KIF20B: variants seen among roughly 807,000 people sequenced by gnomAD.
KIF20B encodes the protein kinesin family member 20B, also known as kinesin-like protein KIF20B.
In KIF20B, 188 loss-of-function variants were observed where a neutral mutation model predicts 232.5. The observed-to-expected ratio is 0.81, with a 90% CI of 0.72 to 0.91. The LOEUF is 0.91. Ranked by LOEUF, KIF20B falls within the 40% of genes least tolerant of loss-of-function variation. The pLI is 0.00. For synonymous variants in KIF20B, 712 were observed against 683.0 expected, an observed-to-expected ratio of 1.04 and a Z score of -0.66; for missense variants, 2,154 against 2,055.9, an observed-to-expected ratio of 1.05 and a Z score of -0.92.
Position 89,724,973 on chromosome 10 carries a change from A to G in KIF20B, c.1863-47A>G, listed in dbSNP as rs540937447. ...TTAGATGTTTAAAACAAAAACACAAAGTAGTTCGTTTTCTGTTTCTTAATG... is the reference window on the plus strand; with the variant it reads ...TTAGATGTTTAAAACAAAAACACAAGGTAGTTCGTTTTCTGTTTCTTAATG... On this transcript the variant is annotated intron_variant, in intron 14 of 32. Transcript: ENST00000371728. 4 of 1,570,518 alleles carry G rather than the reference A, an allele frequency of 2.5e-6. No individual in the cohort carries two copies. In the East Asian group the frequency reaches 9.0e-5, roughly 35 times the overall value.
chr10:89,717,713 A>T lies in KIF20B; in HGVS notation c.1262A>T (p.Glu421Val). Residue 421 changes from glutamate (E) to valine (V), a missense_variant, in exon 11 of 33, where the codon GAA becomes GTA. By Grantham distance (121) the Glu-to-Val change is moderately radical. Transcript: ENST00000371728. ...GKCINVLKNS[E>V]KSKFQQHVPF... The stretch of plus-strand genomic sequence containing the variant: ...TGTATTAACGTCTTGAAGAATAGTG[A>T]AAAGTCAAAGTAAGTGTTTCTGAAA... 1.3e-6 allele frequency: 2 copies of T among 1,592,546 alleles called. No individual in the cohort carries two copies. The highest frequency in any genetic ancestry group is 1.2e-5 in the South Asian group (1 of 86,026).
intron 23 of KIF20B, among the ~76,000 whole-genome samples, chr10:89,748,039 C>T (rs1042109644): frequency 1.3e-5 from 2 of 152,120 alleles, no homozygotes; most frequent in Non-Finnish European, 2.9e-5. Flanking sequence ...GACGGAGATT[C>T]GCTCTTGTCA....
chr10:89,760,306 T>G (rs910192688), intron 27 of KIF20B, among the ~76,000 whole-genome samples: 1 of 152,154 alleles, frequency 6.6e-6, no homozygotes, highest in Non-Finnish European at 1.5e-5. Context: ...AATTTCTCCT[T>G]AGATCAGAGT....
At position 89,717,638 on chromosome 10, in the gene KIF20B, G is replaced by A. The variant is rs1282240827; in HGVS notation, c.1187G>A (p.Arg396Lys). The A allele has an allele frequency of 6.2e-7, 1 of 1,610,990 alleles. No homozygotes were observed. Among genetic ancestry groups the A allele is most frequent in the Non-Finnish European group, 8.5e-7 (1 of 1,177,696 alleles). ...RTMKTQNEGE[R>K]LRETGNINTS... ...ATGAAGACACAGAATGAAGGTGAAA[G>A]GTTAAGAGAGACTGGGAATATCAAC... is the stretch of plus-strand genomic sequence containing the variant. The change falls in exon 11 of 33, where the codon AGG (arginine) becomes AAG (lysine). Residue 396 changes from arginine (R) to lysine (K), a missense_variant. Transcript: ENST00000371728.
chr10:89,705,475 T>C lies in KIF20B; in HGVS notation c.147+34T>C, dbSNP rs774845214. 9 of 1,597,364 alleles carry C rather than the reference T, an allele frequency of 5.6e-6. No individual in the cohort carries two copies. The East Asian group carries it at 1.6e-4, about 28-fold the overall frequency. On this transcript the variant is annotated intron_variant, in intron 2 of 32. Transcript: ENST00000371728. ...AAGAAAAGTATTGTGTTGATTATCA[T>C]GCCTCCTTCTAATGCAAGGGTTGGC...
intron 10 of KIF20B, 23 bp downstream of exon 10, chr10:89,717,518 T>G: frequency 6.3e-7 from 1 of 1,584,854 alleles, no homozygotes; most frequent in South Asian, 1.1e-5. Flanking sequence ...TTCTTTAAAT[T>G]TAATTATTTG....
intron 23 of KIF20B, among the ~76,000 whole-genome samples, chr10:89,746,665 C>T (rs1841917449): frequency 6.6e-6 from 1 of 152,176 alleles, no homozygotes; most frequent in Admixed American, 6.5e-5. Flanking sequence ...ACTCTGTGGG[C>T]ACAGGCCCGA....
intron 14 of KIF20B, among the ~76,000 whole-genome samples, chr10:89,724,613 A>AT (rs1564662176): frequency 6.6e-6 from 1 of 151,936 alleles, no homozygotes; most frequent in Non-Finnish European, 1.5e-5. Context: ...TTAAATTTTA[A>AT]TTTTTTGAGA....
In KIF20B at chr10:89,717,580, T is replaced by A. The variant is rs140162687; in HGVS notation, c.1129T>A (p.Ser377Thr). 1.1e-3 allele frequency: 1,727 copies of A among 1,607,710 alleles called. 27 individuals carry two copies. The Admixed American group carries it at 0.026, about 24-fold the overall frequency. ...ACTTTTTTTTTCTTAATTCAGATTA[T>A]CTTTATGTGATCTTGCTGGTTCAGA... is the stretch of plus-strand genomic sequence containing the variant. ...MSRVIRVSEL[S>T]LCDLAGSERT... Residue 377 changes from serine to threonine, a missense_variant, in exon 11 of 33, where the codon TCT becomes ACT. Physicochemically the swap from Ser to Thr is moderately conservative, Grantham distance 58. Transcript: ENST00000371728.
At chr10:89,718,310 G>A (rs1230901387) in intron 11 of KIF20B, among the ~76,000 whole-genome samples, 5 of 151,964 alleles carry the variant, frequency 3.3e-5, no homozygotes, top group Non-Finnish European at 7.4e-5. Context: ...GATTGCTTGA[G>A]CCCAGGAGTT....
intron 29 of KIF20B, among the ~76,000 whole-genome samples, chr10:89,764,248 G>A (rs1469746327): frequency 3.3e-5 from 5 of 151,870 alleles, no homozygotes; most frequent in African/African-American, 9.7e-5. Context: ...ATGGCTGCAT[G>A]GTATTCCATG....
intron 19 of KIF20B, among the ~76,000 whole-genome samples, chr10:89,734,957 T>A (rs1434875824): frequency 1.3e-5 from 2 of 152,218 alleles, no homozygotes; most frequent in Non-Finnish European, 2.9e-5. Context: ...AAACGTTGCA[T>A]GTAAAATACA....
Position 89,751,244 on chromosome 10 carries a change from C to T in KIF20B, c.4097-102C>T, listed in dbSNP as rs1842016610. The T allele has an allele frequency of 9.7e-6, 9 of 929,594 alleles. No individual in the cohort carries two copies. The South Asian group carries it at 1.5e-4, about 16-fold the overall frequency. The allele number at this position is 929,594 out of a possible 1,614,324, so 57.6% of individuals were successfully genotyped here. On this transcript the variant is annotated intron_variant, in intron 23 of 32. Coordinates refer to ENST00000371728, the MANE Select transcript of KIF20B (RefSeq NM_001284259.2). ...TTTCTGTCTATATGGAACTAATATT[C>T]TATTACAGTTAATAAAAATGTATTT...
At chr10:89,734,583 A>G (rs1044952008) in intron 19 of KIF20B, among the ~76,000 whole-genome samples, 48 of 152,194 alleles carry the variant, frequency 3.2e-4, no homozygotes, top group African/African-American at 1.1e-3. Flanking sequence ...ATATATGGAA[A>G]TGAGTATAGA....
chr10:89,747,138 C>T (rs141843707), intron 23 of KIF20B, among the ~76,000 whole-genome samples: 2,558 of 152,262 alleles, frequency 0.017, 89 homozygotes, highest in African/African-American at 0.058. Flanking sequence ...TGAAAAAATG[C>T]TCATCATCAC....
intron 16 of KIF20B, among the ~76,000 whole-genome samples, chr10:89,727,260 C>CT (rs1378186235): frequency 4.1e-4 from 60 of 147,312 alleles, no homozygotes; most frequent in Admixed American, 2.1e-3. Flanking sequence ...TTCCCCCCCC[C>CT]TTTTTTTTTT....
chr10:89,719,368 G>A (rs759677791), intron 12 of KIF20B, 51 bp from the exon 13 acceptor site: 2 of 1,249,766 alleles, frequency 1.6e-6, no homozygotes, highest in Admixed American at 2.3e-5. Flanking sequence ...ATTTTCTAGT[G>A]GACAGTTCTT....
In KIF20B at chr10:89,716,533, T is replaced by A. The variant is rs767505076; in HGVS notation, c.1038T>A (p.Asn346Lys). 2 of 1,517,490 alleles carry A rather than the reference T, an allele frequency of 1.3e-6. No individual in the cohort carries two copies. The highest frequency in any genetic ancestry group is 1.8e-6 in the Non-Finnish European group (2 of 1,100,338). The allele number at this position is 1,517,490 out of a possible 1,614,324, so 94.0% of individuals were successfully genotyped here. A position where few individuals can be genotyped will look rare whatever the true frequency, so the allele number is the denominator to read the frequency against. ...HQSVAFTKLN[N>K]ASSRSHSIFT... ...GTGTTGCCTTCACAAAATTGAATAATGCTTCCAGTAGAAGGTAAAGAATAA... is the reference window on the plus strand; with the variant it reads ...GTGTTGCCTTCACAAAATTGAATAAAGCTTCCAGTAGAAGGTAAAGAATAA... Residue 346 changes from asparagine (N) to lysine (K), a missense_variant, in exon 9 of 33, where the codon AAT becomes AAA. Coordinates refer to ENST00000371728, the MANE Select transcript of KIF20B (RefSeq NM_001284259.2).
chr10:89,715,094 T>C lies in KIF20B; in HGVS notation c.852T>C (p.Tyr284=). Reference sequence around the variant, plus strand: ...TTGAAATTTACAATGAATATATTTATGACTTATTTGTTCCTGTATCATCTA... The same window carrying C: ...TTGAAATTTACAATGAATATATTTACGACTTATTTGTTCCTGTATCATCTA... ...SFFEIYNEYI[Y]DLFVPVSSKF... The change falls in exon 8 of 33, where the codon TAT becomes TAC. Residue 284 remains tyrosine (Y), a synonymous_variant. Coordinates refer to ENST00000371728, the MANE Select transcript of KIF20B (RefSeq NM_001284259.2). 1 of 1,609,180 alleles carries C rather than the reference T, an allele frequency of 6.2e-7. No individual in the cohort carries two copies. Among genetic ancestry groups the C allele is most frequent in the Admixed American group, 1.7e-5 (1 of 59,706 alleles).
Sources: gnomAD v4.1 joint callset for allele counts (sites outside exome capture counted in the v4.1 genomes callset) on GRCh38, gnomAD v4.1.1 for gene constraint, MANE v1.5 for transcripts, NCBI Gene and HGNC (gene_info 2026-07-23, HGNC 2026-07-21) for gene names.